Variants in PLCL1 observed in about 807,000 individuals in gnomAD.
PLCL1 encodes the protein phospholipase C like 1 (inactive), also known as inactive phospholipase C-like protein 1.
A neutral mutation model predicts 84.4 loss-of-function variants in PLCL1; 41 were observed. That is an observed-to-expected ratio of 0.49 (90% CI 0.38 to 0.63). The LOEUF is 0.63. PLCL1 is among the 30% of genes least tolerant of loss of function. The pLI, the probability that PLCL1 is intolerant of heterozygous loss-of-function variation, is 0.00. For synonymous variants in PLCL1, 490 were observed against 488.3 expected (o/e 1.00, Z -0.05); for missense variants, 1,206 against 1,367.8 (o/e 0.88, Z 1.87).
chr2:198,004,449 A>G (rs891885822), intron 1 of PLCL1, among the ~76,000 whole-genome samples: 1 of 152,198 alleles, frequency 6.6e-6, no homozygotes, highest in Non-Finnish European at 1.5e-5. Context: ...TGTCCTACTG[A>G]TATGACTTAG....
chr2:198,136,172 T>G (rs989465306), intron 5 of PLCL1, among the ~76,000 whole-genome samples: 5 of 152,202 alleles, frequency 3.3e-5, no homozygotes, highest in African/African-American at 1.2e-4. Context: ...GACAGTGGAC[T>G]TATCTACAAC....
At chr2:197,951,733 T>A (rs1290429388) in intron 1 of PLCL1, among the ~76,000 whole-genome samples, 1 of 152,166 alleles carries the variant, frequency 6.6e-6, no homozygotes, top group Admixed American at 6.6e-5. Flanking sequence ...ACATAGGCAC[T>A]GTCCATAGGA....
intron 1 of PLCL1, among the ~76,000 whole-genome samples, chr2:197,879,876 G>A (rs1015209453): frequency 6.6e-6 from 1 of 152,146 alleles, no homozygotes; most frequent in African/African-American, 2.4e-5. Flanking sequence ...TAGAGTGGCT[G>A]AAACAAGGTA....
chr2:197,960,291 A>G (rs970088465), intron 1 of PLCL1, among the ~76,000 whole-genome samples: 1 of 152,098 alleles, frequency 6.6e-6, no homozygotes, highest in Admixed American at 6.6e-5. Context: ...CTAATTTTGC[A>G]TGGAGTTGAG....
intron 3 of PLCL1, 114 bp downstream of exon 3, chr2:198,089,175 A>C: frequency 1.3e-6 from 1 of 767,840 alleles, no homozygotes; most frequent in Non-Finnish European, 2.2e-6. Context: ...CCTTTGAAAC[A>C]TGGATTGGAG....
At chr2:197,871,658 G>A (rs1038886257) in intron 1 of PLCL1, among the ~76,000 whole-genome samples, 12 of 152,048 alleles carry the variant, frequency 7.9e-5, no homozygotes, top group Admixed American at 1.3e-4. Flanking sequence ...GTGACTGTGG[G>A]AAATCCTTGG....
intron 3 of PLCL1, among the ~76,000 whole-genome samples, chr2:198,094,680 C>T (rs189325041): frequency 1.8e-4 from 28 of 152,180 alleles, no homozygotes; most frequent in East Asian, 9.7e-4. Context: ...TTCTTACTTT[C>T]GAGTAAATTT....
chr2:197,960,782 G>C (rs61435657), intron 1 of PLCL1, among the ~76,000 whole-genome samples: 41,053 of 151,902 alleles, frequency 0.27, 6,841 homozygotes, highest in Middle Eastern at 0.44. Context: ...TTAGGGAATT[G>C]AGAATTAATT....
chr2:197,925,411 C>T (rs1307898354), intron 1 of PLCL1, among the ~76,000 whole-genome samples: 6 of 152,070 alleles, frequency 3.9e-5, no homozygotes, highest in Non-Finnish European at 7.4e-5. Context: ...AAATTTCTTC[C>T]CAAGTGAATA....
In PLCL1 at chr2:198,085,151, C is replaced by T. The variant is rs143432997; in HGVS notation, c.1634C>T (p.Pro545Leu). ...ATCATTGTGAAAGGAAAGAAGTTGCCTTCTGATCCAGATGTGTTAGAAGGA... is the reference window on the plus strand; with the variant it reads ...ATCATTGTGAAAGGAAAGAAGTTGCTTTCTGATCCAGATGTGTTAGAAGGA... ...RMIIVKGKKL[P>L]SDPDVLEGEV... is the part of the protein sequence containing the mutation. The change falls in exon 2 of 6, where the codon CCT (proline) becomes CTT (leucine). Residue 545 changes from proline (P) to leucine (L), a missense_variant. Physicochemically the swap from Pro to Leu is moderately conservative, Grantham distance 98 (BLOSUM62 -3). Coordinates refer to ENST00000428675, the MANE Select transcript of PLCL1 (RefSeq NM_006226.4). This position sits in a 1 kb window ranked among gnomAD's most constrained non-coding sequence, Gnocchi z 5.3. The T allele has an allele frequency of 2.6e-5, 42 of 1,613,876 alleles. No individual in the cohort carries two copies. In the African/African-American group the frequency reaches 4.8e-4, roughly 18 times the overall value.
chr2:198,022,267 CTG>C (rs1294931916), intron 1 of PLCL1, among the ~76,000 whole-genome samples: 1 of 152,140 alleles, frequency 6.6e-6, no homozygotes. Context: ...GACAAACCCA[CTG>C]ATATCATACT....
At chr2:198,108,800 G>A (rs1012436622) in intron 5 of PLCL1, among the ~76,000 whole-genome samples, 3 of 151,842 alleles carry the variant, frequency 2.0e-5, no homozygotes, top group African/African-American at 4.8e-5. Flanking sequence ...TCCAGTATAG[G>A]GACTTGTTTA....
chr2:198,023,851 G>T (rs1691197997), intron 1 of PLCL1, among the ~76,000 whole-genome samples: 1 of 152,108 alleles, frequency 6.6e-6, no homozygotes, highest in South Asian at 2.1e-4. Flanking sequence ...ATTTCTCAAG[G>T]ATCTAGAATT....
In PLCL1 at chr2:197,946,317, C is replaced by T. The variant is rs534962172; in HGVS notation, c.241-137441C>T. On this transcript the variant is annotated intron_variant, in intron 1 of 5. Coordinates refer to ENST00000428675, the MANE Select transcript of PLCL1 (RefSeq NM_006226.4). ...CTGAGGGGAGTCTCCAAAACAAAGT[C>T]GAGAGGGGAACAGAAACTGGGAAAA... Among the ~76,000 whole-genome samples the T allele has an allele frequency of 3.3e-5, 5 of 151,832 alleles. No individual in the cohort carries two copies. In the East Asian group the frequency reaches 5.8e-4, roughly 18 times the overall value.
intron 1 of PLCL1, among the ~76,000 whole-genome samples, chr2:197,961,816 C>G (rs796472179): frequency 6.6e-6 from 1 of 151,960 alleles, no homozygotes; most frequent in African/African-American, 2.4e-5. Context: ...TCTCCTGGAA[C>G]AAAGGATGAG....
chr2:197,931,660 C>A (rs1396075254), intron 1 of PLCL1, among the ~76,000 whole-genome samples: 2 of 108,032 alleles, frequency 1.9e-5, no homozygotes, highest in South Asian at 6.5e-4. Context: ...AACCAACCAA[C>A]CAACCAACCA....
intron 1 of PLCL1, among the ~76,000 whole-genome samples, chr2:198,077,237 A>G (rs576725253): frequency 1.1e-4 from 16 of 152,168 alleles, no homozygotes; most frequent in African/African-American, 3.9e-4. Context: ...TTCGTTCTCT[A>G]TCCTAGGCAT....
chr2:198,058,501 T>C (rs571196599), intron 1 of PLCL1, among the ~76,000 whole-genome samples: 1 of 151,980 alleles, frequency 6.6e-6, no homozygotes, highest in Non-Finnish European at 1.5e-5. Context: ...ATCAAATACA[T>C]GCAATTACCA....
At chr2:197,981,838 C>T (rs1690114104) in intron 1 of PLCL1, among the ~76,000 whole-genome samples, 1 of 152,122 alleles carries the variant, frequency 6.6e-6, no homozygotes, top group Admixed American at 6.5e-5. Context: ...ATCCAGTGCC[C>T]TCAGTTTATA....
Sources: gnomAD v4.1 joint callset for allele counts (sites outside exome capture counted in the v4.1 genomes callset) on GRCh38, gnomAD v4.1.1 for gene constraint, Gnocchi (gnomAD v3.1) non-coding constraint, MANE v1.5 for transcripts, NCBI Gene and HGNC (gene_info 2026-07-23, HGNC 2026-07-21) for gene names.